NUP62CL: variants seen among roughly 807,000 people sequenced by gnomAD.
The protein encoded by NUP62CL is nucleoporin-62 C-terminal-like protein.
NUP62CL carries 13 observed loss-of-function variants against 15.3 expected under a neutral mutation model. The ratio of observed to expected loss-of-function variants is 0.85; its 90% CI spans 0.55 to 1.35. The LOEUF (loss-of-function observed/expected upper bound fraction) is 1.35. Ranked by LOEUF, NUP62CL falls within the 40% of genes most tolerant of loss-of-function variation. The pLI is 0.00. For synonymous variants in NUP62CL, 54 were observed against 49.2 expected (o/e 1.10, Z -0.41); for missense variants, 123 against 130.6 (o/e 0.94, Z 0.28).
chrX:107,161,355 C>T (rs1294184711), intron 4 of NUP62CL, among the ~76,000 whole-genome samples: 3 of 98,718 alleles, frequency 3.0e-5, no homozygotes, highest in Non-Finnish European at 6.1e-5. Flanking sequence ...CGGCATTATT[C>T]ACAATAGCAA....
chrX:107,162,012 CAG>C (rs1926398264), intron 4 of NUP62CL, among the ~76,000 whole-genome samples: 1 of 108,286 alleles, frequency 9.2e-6, no homozygotes, highest in South Asian at 4.0e-4. Flanking sequence ...ATGAAAAAAA[CAG>C]AAAATCTCAG....
intron 1 of NUP62CL, among the ~76,000 whole-genome samples, chrX:107,197,321 C>CT (rs1927379843): frequency 9.0e-6 from 1 of 111,053 alleles, no homozygotes; most frequent in East Asian, 2.8e-4. Context: ...ATTCCCTATC[C>CT]TTTTTTAACA....
chrX:107,185,196 CAA>C (rs3072235), intron 2 of NUP62CL, among the ~76,000 whole-genome samples: 3 of 20,974 alleles, frequency 1.4e-4, no homozygotes, highest in Non-Finnish European at 2.9e-4. Flanking sequence ...GACTCCGTCT[CAA>C]AAAAAAAAAA....
chrX:107,123,808 CTA>C lies in NUP62CL; in HGVS notation c.*565_*566del, dbSNP rs1925320861. The C allele has an allele frequency of 8.9e-6, 1 of 112,371 alleles. No individual in the cohort carries two copies. Among genetic ancestry groups the C allele is most frequent in the Admixed American group, 9.5e-5 (1 of 10,500 alleles). 9.3% of individuals were successfully genotyped at this position (112,371 alleles called of 1,213,427 possible). A position where few individuals can be genotyped will look rare whatever the true frequency, so the allele number is the denominator to read the frequency against. On this transcript the variant is annotated 3_prime_UTR_variant, in exon 9 of 9. Transcript: ENST00000372466. ...TTCATACTGCACTTCTTTATATTAT[CTA>C]TATTGTTTTTATGCAGACAAGCATT... is the stretch of plus-strand genomic sequence containing the variant.
intron 1 of NUP62CL, among the ~76,000 whole-genome samples, chrX:107,198,445 G>A (rs182961933): frequency 1.4e-4 from 16 of 111,638 alleles, no homozygotes; most frequent in East Asian, 5.6e-4. Context: ...GTTCTTTCAC[G>A]CTTCACAATA....
chrX:107,206,144 C>G, intron 1 of NUP62CL, 129 bp downstream of exon 1: 1 of 110,869 alleles, frequency 9.0e-6, no homozygotes, highest in Non-Finnish European at 1.9e-5. Flanking sequence ...CTGACCCTAC[C>G]CTTCTGCCCC....
chrX:107,131,983 G>T, intron 8 of NUP62CL: 1 of 1,019,470 alleles, frequency 9.8e-7, no homozygotes. Context: ...GGAAGGAGAA[G>T]AAAACATAGG....
In NUP62CL at chrX:107,188,195, G is replaced by C. The variant is rs1411507212; in HGVS notation, c.-48+4834C>G. On this transcript the variant is annotated intron_variant, in intron 2 of 8. Transcript: ENST00000372466. Reference sequence around the variant, plus strand: ...ACCAATATCCTTCATGAACATAAATGCAAGAATCCTTAATGAAATAATAGC... The same window carrying C: ...ACCAATATCCTTCATGAACATAAATCCAAGAATCCTTAATGAAATAATAGC... 3.6e-5 allele frequency among the ~76,000 whole-genome samples: 4 copies of C among 111,835 alleles called. No homozygotes were observed. In the East Asian group the frequency reaches 1.1e-3, roughly 31 times the overall value.
intron 2 of NUP62CL, among the ~76,000 whole-genome samples, chrX:107,183,351 C>T (rs757416980): frequency 1.8e-5 from 2 of 110,695 alleles, no homozygotes; most frequent in Non-Finnish European, 3.8e-5. Context: ...AATCCTAGGA[C>T]TTTGGGAGGC....
intron 2 of NUP62CL, among the ~76,000 whole-genome samples, chrX:107,180,525 T>C (rs1412674967): frequency 8.9e-6 from 1 of 111,926 alleles, no homozygotes; most frequent in Non-Finnish European, 1.9e-5. Flanking sequence ...GTGAAAACAT[T>C]CCAAATGTGT....
rs1174872618 is a variant in NUP62CL, at chrX:107,193,082, GA to G, written c.-91-11del. ...CTGATGACTCCAAACCCTAAAAAAG[GA>G]TAAGAGAAGAATGGGAAAAAAAATT... On this transcript the variant is annotated splice_polypyrimidine_tract_variant and intron_variant, in intron 1 of 8. Coordinates refer to ENST00000372466, the MANE Select transcript of NUP62CL (RefSeq NM_017681.3). The G allele has an allele frequency of 8.9e-6, 1 of 111,773 alleles. No individual in the cohort carries two copies. The highest frequency in any genetic ancestry group is 1.9e-5 in the Non-Finnish European group (1 of 53,139). The allele number at this position is 111,773 out of a possible 1,213,427, so 9.2% of individuals were successfully genotyped here.
intron 8 of NUP62CL, among the ~76,000 whole-genome samples, chrX:107,135,727 T>C (rs1247297044): frequency 9.0e-6 from 1 of 111,407 alleles, no homozygotes; most frequent in Non-Finnish European, 1.9e-5. Flanking sequence ...ATAAGGAGAA[T>C]GCAGTAGTCC....
rs140199554 is a variant in NUP62CL, at chrX:107,200,866, G to A, written c.-92+5407C>T. On this transcript the variant is annotated intron_variant, in intron 1 of 8. Coordinates refer to ENST00000372466, the MANE Select transcript of NUP62CL (RefSeq NM_017681.3). ...ATGCAAAAGACAGCCTCAAAGGTAC[G>A]CCCATATTTATAAGAATCTTTCCCA... 5.2e-3 allele frequency among the ~76,000 whole-genome samples: 573 copies of A among 109,930 alleles called. 9 individuals carry two copies. The highest frequency in any genetic ancestry group is 0.043 in the Admixed American group (443 of 10,249).
At chrX:107,144,128 A>G (rs1385511874) in intron 8 of NUP62CL, among the ~76,000 whole-genome samples, 2 of 111,397 alleles carry the variant, frequency 1.8e-5, no homozygotes, top group African/African-American at 6.5e-5. Flanking sequence ...AGTAATCATT[A>G]CTCTTCATTG....
chrX:107,157,253 G>A (rs1159022173), intron 4 of NUP62CL, among the ~76,000 whole-genome samples: 2 of 105,572 alleles, frequency 1.9e-5, no homozygotes, highest in Admixed American at 2.1e-4. Flanking sequence ...GCAGGCCAAC[G>A]TTCAGATTCA....
chrX:107,131,901 AAC>A (rs1221543303), intron 8 of NUP62CL: 7 of 996,025 alleles, frequency 7.0e-6, no homozygotes, highest in Non-Finnish European at 1.0e-5. Context: ...GCAATAATAA[AAC>A]AGTGTTAAAA....
At chrX:107,190,477 T>C (rs1242584909) in intron 2 of NUP62CL, among the ~76,000 whole-genome samples, 1 of 112,089 alleles carries the variant, frequency 8.9e-6, no homozygotes, top group African/African-American at 3.2e-5. Context: ...TCTCAGGAGT[T>C]TGTTGCTTTT....
intron 1 of NUP62CL, among the ~76,000 whole-genome samples, chrX:107,202,963 G>A (rs1232884657): frequency 1.1e-5 from 1 of 93,408 alleles, no homozygotes; most frequent in Non-Finnish European, 2.1e-5. Flanking sequence ...GGCCGACAGA[G>A]CAGACCGTCT....
At chrX:107,153,822 A>T (rs2147799396) in intron 5 of NUP62CL, among the ~76,000 whole-genome samples, 1 of 110,928 alleles carries the variant, frequency 9.0e-6, no homozygotes, top group Non-Finnish European at 1.9e-5. Flanking sequence ...ACACACACAC[A>T]GTTAGCTGGG....
Sources: allele counts gnomAD v4.1 joint callset (sites outside exome capture counted in the v4.1 genomes callset), GRCh38; gene constraint gnomAD v4.1.1; transcripts MANE v1.5; gene names NCBI Gene and HGNC (gene_info 2026-07-23, HGNC 2026-07-21).